TGM6: variants seen among roughly 807,000 people sequenced by gnomAD.
TGM6 encodes protein-glutamine gamma-glutamyltransferase 6.
In TGM6, 74 loss-of-function variants were observed where a neutral mutation model predicts 77.5. That is an observed-to-expected ratio of 0.96 (90% CI 0.79 to 1.16). The LOEUF is 1.16. TGM6 is among the 50% of genes most tolerant of loss of function. TGM6 has a pLI of 0.00. For synonymous variants in TGM6, 383 were observed against 378.9 expected (o/e 1.01, Z -0.12); for missense variants, 968 against 940.2 (o/e 1.03, Z -0.39).
intron 9 of TGM6, among the ~76,000 whole-genome samples, chr20:2,414,936 G>GT (rs919363279): frequency 2.2e-5 from 3 of 133,366 alleles, no homozygotes; most frequent in Admixed American, 7.3e-5. Flanking sequence ...ACAGAATTTG[G>GT]GGGGGGGGGT....
At chr20:2,391,154 G>T (rs182634327) in intron 1 of TGM6, among the ~76,000 whole-genome samples, 9 of 151,288 alleles carry the variant, frequency 5.9e-5, no homozygotes, top group African/African-American at 2.2e-4. Context: ...GGGGCACAGG[G>T]GAAGTGAAAT....
chr20:2,430,545 G>A lies in TGM6; in HGVS notation c.1778G>A (p.Gly593Glu), dbSNP rs1489336240. Residue 593 changes from glycine to glutamate, a missense_variant, in exon 11 of 13, where the codon GGA becomes GAA. Transcript: ENST00000202625. ...LLAAMCLVTK[G>E]EKLLVEKDIT... ...GCTGCCATGTGCCTTGTCACCAAAG[G>A]AGAGAAGCTTCTGGTGGAGAAGGAC... The A allele has an allele frequency of 2.5e-6, 4 of 1,614,088 alleles. No individual in the cohort carries two copies. Among genetic ancestry groups the A allele is most frequent in the Admixed American group, 3.3e-5 (2 of 60,002 alleles).
At chr20:2,430,775 G>T in intron 11 of TGM6, 119 bp from the exon 12 acceptor site, 1 of 1,593,618 alleles carries the variant, frequency 6.3e-7, no homozygotes, top group Non-Finnish European at 8.6e-7. Context: ...TCAGCAATGG[G>T]GTATATGGAG....
intron 11 of TGM6, 130 bp from the exon 12 acceptor site, chr20:2,430,764 C>T (rs2084918728): frequency 1.3e-6 from 2 of 1,589,386 alleles, no homozygotes; most frequent in African/African-American, 2.7e-5. Context: ...AATAGTGGCA[C>T]TCAGCAATGG....
At chr20:2,383,889 T>C (rs1386395117) in intron 1 of TGM6, among the ~76,000 whole-genome samples, 1 of 151,940 alleles carries the variant, frequency 6.6e-6, no homozygotes, top group Non-Finnish European at 1.5e-5. Context: ...GAGCGGATCA[T>C]GAGGTCAGGA....
At chr20:2,396,135 G>A (rs894584885) in intron 3 of TGM6, among the ~76,000 whole-genome samples, 9 of 148,820 alleles carry the variant, frequency 6.0e-5, no homozygotes, top group Admixed American at 2.7e-4. Flanking sequence ...AGCCAAGATT[G>A]CGCCATTGTA....
intron 4 of TGM6, among the ~76,000 whole-genome samples, chr20:2,396,875 G>T (rs1224564587): frequency 6.6e-6 from 1 of 152,166 alleles, no homozygotes; most frequent in Non-Finnish European, 1.5e-5. Context: ...AAAATGAATA[G>T]CTCTGATCAG....
At chr20:2,400,821 C>T (rs1166538800) in intron 7 of TGM6, among the ~76,000 whole-genome samples, 1 of 152,128 alleles carries the variant, frequency 6.6e-6, no homozygotes, top group Non-Finnish European at 1.5e-5. Flanking sequence ...TTGTGTGTCT[C>T]AGGTGGGAAA....
At chr20:2,387,687 A>G (rs2084605115) in intron 1 of TGM6, among the ~76,000 whole-genome samples, 1 of 152,082 alleles carries the variant, frequency 6.6e-6, no homozygotes, top group African/African-American at 2.4e-5. Flanking sequence ...GGCTCTCTCC[A>G]TGTTTCAGTT....
rs976949088 is a variant in TGM6, at chr20:2,396,696, T to C, written c.543+72T>C. 5.8e-6 allele frequency: 8 copies of C among 1,385,586 alleles called. No individual in the cohort carries two copies. In the African/African-American group the frequency reaches 1.1e-4, roughly 20 times the overall value. The allele number at this position is 1,385,586 out of a possible 1,614,324, so 85.8% of individuals were successfully genotyped here. ...GAGGTCGGTGGGACTGGAGTCCCTC[T>C]GTCTGCTCACTCTTCTCAGGAGGGA... On this transcript the variant is annotated intron_variant, in intron 4 of 12. Coordinates refer to ENST00000202625, the MANE Select transcript of TGM6 (RefSeq NM_198994.3).
intron 10 of TGM6, among the ~76,000 whole-genome samples, chr20:2,421,344 A>G (rs1352791812): frequency 6.6e-6 from 1 of 152,210 alleles, no homozygotes; most frequent in African/African-American, 2.4e-5. Context: ...TTATGGTAAG[A>G]GTATGTTTTG....
intron 3 of TGM6, 64 bp from the exon 4 acceptor site, chr20:2,396,442 C>A (rs2122351536): frequency 6.6e-7 from 1 of 1,525,060 alleles, no homozygotes; most frequent in Middle Eastern, 1.7e-4. Context: ...CCTGATGCAG[C>A]CCCTTCCCCA....
intron 5 of TGM6, 50 bp from the exon 6 acceptor site, chr20:2,399,511 T>G: frequency 5.0e-6 from 8 of 1,610,008 alleles, no homozygotes; most frequent in South Asian, 1.1e-5. Flanking sequence ...ATGCGGTTCT[T>G]GAGGTAGGAA....
chr20:2,426,817 C>G (rs943333995), intron 10 of TGM6, among the ~76,000 whole-genome samples: 1 of 151,994 alleles, frequency 6.6e-6, no homozygotes, highest in African/African-American at 2.4e-5. Context: ...ATTAATTGAC[C>G]TTTAATATTG....
chr20:2,402,282 G>A (rs1316089731), intron 7 of TGM6, among the ~76,000 whole-genome samples: 1 of 151,944 alleles, frequency 6.6e-6, no homozygotes, highest in Non-Finnish European at 1.5e-5. Flanking sequence ...TAAAGATTAG[G>A]AGAGACAGTG....
intron 1 of TGM6, among the ~76,000 whole-genome samples, chr20:2,391,503 G>A (rs2122338213): frequency 6.6e-6 from 1 of 152,116 alleles, no homozygotes; most frequent in South Asian, 2.1e-4. Flanking sequence ...GCTGTGAGGG[G>A]GTGGGGGGTG....
At chr20:2,404,604 C>T (rs2122378420) in intron 9 of TGM6, among the ~76,000 whole-genome samples, 1 of 152,084 alleles carries the variant, frequency 6.6e-6, no homozygotes, top group Middle Eastern at 3.4e-3. Context: ...CCTCCCTTTT[C>T]TGCTCTCTAG....
At chr20:2,398,077 C>T (rs374215635) in intron 5 of TGM6, 31 bp downstream of exon 5, 5 of 1,614,174 alleles carry the variant, frequency 3.1e-6, no homozygotes, top group African/African-American at 1.3e-5. Flanking sequence ...TGCACATGTA[C>T]TTCCTCAAGG....
intron 9 of TGM6, among the ~76,000 whole-genome samples, chr20:2,410,947 C>A (rs1228802615): frequency 6.6e-6 from 1 of 152,060 alleles, no homozygotes; most frequent in Non-Finnish European, 1.5e-5. Context: ...AAGTAAAAAA[C>A]TAGTAATAGT....
Sources: allele counts gnomAD v4.1 joint callset (sites outside exome capture counted in the v4.1 genomes callset), GRCh38; gene constraint gnomAD v4.1.1; transcripts MANE v1.5; gene names NCBI Gene and HGNC (gene_info 2026-07-23, HGNC 2026-07-21).